Variants in DRAM1 observed in about 807,000 individuals in gnomAD.
The protein encoded by DRAM1 is DNA damage-regulated autophagy modulator protein 1.
In DRAM1, 25 loss-of-function variants were observed where a neutral mutation model predicts 28.5. That is an observed-to-expected ratio of 0.88 (90% CI 0.64 to 1.23). The LOEUF is 1.23. Ranked by LOEUF, DRAM1 falls within the 50% of genes most tolerant of loss-of-function variation. DRAM1 has a pLI of 0.00. For synonymous variants in DRAM1, 113 were observed against 114.2 expected (o/e 0.99, Z 0.07); for missense variants, 249 against 299.2 (o/e 0.83, Z 1.24).
chr12:101,885,550 CA>C (rs1872856065), intron 1 of DRAM1, among the ~76,000 whole-genome samples: 1 of 99,990 alleles, frequency 1.0e-5, no homozygotes, highest in Non-Finnish European at 1.9e-5. Context: ...TTTTTTTTGA[CA>C]GAGTTTTGCT....
intron 1 of DRAM1, among the ~76,000 whole-genome samples, chr12:101,884,805 T>C (rs1295344374): frequency 6.6e-6 from 1 of 152,220 alleles, no homozygotes; most frequent in African/African-American, 2.4e-5. Context: ...GTCAGGTCTT[T>C]AACTTCAAAA....
At chr12:101,897,675 A>G (rs892881156) in intron 1 of DRAM1, among the ~76,000 whole-genome samples, 188 bp from the exon 2 acceptor site, 6 of 152,204 alleles carry the variant, frequency 3.9e-5, no homozygotes, top group Non-Finnish European at 5.9e-5. Context: ...TCATGGTATA[A>G]AAATAAATTT....
Position 101,921,275 on chromosome 12 carries a change from A to G in DRAM1, c.*15A>G, listed in dbSNP as rs201524018. 7 of 1,602,440 alleles carry G rather than the reference A, an allele frequency of 4.4e-6. No homozygotes were observed. The highest frequency in any genetic ancestry group is 6.0e-6 in the Non-Finnish European group (7 of 1,169,382). On this transcript the variant is annotated 3_prime_UTR_variant, in exon 7 of 7. Transcript: ENST00000258534. ...GTGATATTTGAAGAAAGAAGAATTC[A>G]GTCTCACTCAGTGAATGTCGCAGGC...
chr12:101,901,861 T>C, intron 3 of DRAM1, among the ~76,000 whole-genome samples: 1 of 127,254 alleles, frequency 7.9e-6, no homozygotes, highest in African/African-American at 3.4e-5. Flanking sequence ...AGAGCGAGAC[T>C]CTATCTCAAA....
At chr12:101,907,199 CAAAAAAAA>C (rs397965756) in intron 3 of DRAM1, among the ~76,000 whole-genome samples, 2 of 85,148 alleles carry the variant, frequency 2.3e-5, no homozygotes, top group East Asian at 3.2e-4. Flanking sequence ...GACCCTGTCT[CAAAAAAAA>C]AAAAAAAAAA....
At chr12:101,915,363 G>C (rs1354246656) in intron 5 of DRAM1, among the ~76,000 whole-genome samples, 1 of 152,154 alleles carries the variant, frequency 6.6e-6, no homozygotes, top group African/African-American at 2.4e-5. Context: ...GTTTGGTGGT[G>C]AAAGGGAGCG....
intron 1 of DRAM1, among the ~76,000 whole-genome samples, chr12:101,890,380 C>A (rs371382552): frequency 0.029 from 1,898 of 66,490 alleles, 40 homozygotes; most frequent in African/African-American, 0.17. Flanking sequence ...GAGCCCGGCC[C>A]TATTTTTTTT....
intron 1 of DRAM1, among the ~76,000 whole-genome samples, chr12:101,887,845 T>A (rs1872945141): frequency 6.6e-6 from 1 of 152,052 alleles, no homozygotes; most frequent in Non-Finnish European, 1.5e-5. Context: ...GGCCCTAATT[T>A]TTGATGACTT....
intron 5 of DRAM1, among the ~76,000 whole-genome samples, chr12:101,914,786 TAGCTGGGACCAC>T (rs1177587519): frequency 6.6e-6 from 1 of 151,886 alleles, no homozygotes; most frequent in African/African-American, 2.4e-5. Flanking sequence ...GCCTCCCGAG[TAGCTGGGACCAC>T]AGGCGTGCGC....
intron 1 of DRAM1, among the ~76,000 whole-genome samples, chr12:101,887,741 G>T (rs148201414): frequency 3.3e-5 from 5 of 152,124 alleles, no homozygotes; most frequent in African/African-American, 9.6e-5. Flanking sequence ...GTTTCACCAT[G>T]TTGGCCAGGC....
rs574722379 is a variant in DRAM1 at position 101,895,186 on chromosome 12, GTTTTTTTTTTT to G, written c.132-2657_132-2647del. On this transcript the variant is annotated intron_variant, in intron 1 of 6. Transcript: ENST00000258534. The stretch of plus-strand genomic sequence containing the variant: ...TAATGCTAAATTCGAAACCCTTCAG[GTTTTTTTTTTT>G]TTTTTTTTTTTTTTTTTTTACCCAG... Among the ~76,000 whole-genome samples, 103 of 75,734 alleles carry G rather than the reference GTTTTTTTTTTT, an allele frequency of 1.4e-3. 3 individuals are homozygous for G. Among genetic ancestry groups the G allele is most frequent in the African/African-American group, 4.6e-3 (84 of 18,080 alleles). 49.7% of individuals were successfully genotyped at this position (75,734 alleles called of 152,430 possible). A position where few individuals can be genotyped will look rare whatever the true frequency, so the allele number is the denominator to read the frequency against.
intron 1 of DRAM1, among the ~76,000 whole-genome samples, chr12:101,883,943 A>T (rs1454743472): frequency 7.0e-6 from 1 of 142,228 alleles, no homozygotes; most frequent in Non-Finnish European, 1.5e-5. Flanking sequence ...CAAAAAAAAA[A>T]AAAATAAATA....
At chr12:101,897,713 A>G (rs900122603) in intron 1 of DRAM1, 150 bp from the exon 2 acceptor site, 2 of 622,562 alleles carry the variant, frequency 3.2e-6, no homozygotes, top group Admixed American at 3.2e-5. Context: ...AAATGAAAAT[A>G]CTTTAGAACA....
intron 5 of DRAM1, among the ~76,000 whole-genome samples, chr12:101,916,771 TG>T (rs1481506517): frequency 6.6e-6 from 1 of 152,228 alleles, no homozygotes; most frequent in Non-Finnish European, 1.5e-5. Flanking sequence ...ACCTCATTGA[TG>T]AGTCCCTACC....
intron 1 of DRAM1, among the ~76,000 whole-genome samples, chr12:101,887,395 A>G (rs974679094): frequency 4.6e-5 from 7 of 152,212 alleles, no homozygotes; most frequent in Non-Finnish European, 1.0e-4. Context: ...TGCCAAGAAG[A>G]CATAGTGGAC....
intron 1 of DRAM1, among the ~76,000 whole-genome samples, chr12:101,892,937 C>G (rs983944764): frequency 6.6e-6 from 1 of 152,056 alleles, no homozygotes; most frequent in African/African-American, 2.4e-5. Flanking sequence ...AATCAAACAA[C>G]TGGTTATGAA....
intron 3 of DRAM1, among the ~76,000 whole-genome samples, chr12:101,902,261 G>A (rs74241004): frequency 0.066 from 10,048 of 152,146 alleles, 799 homozygotes; most frequent in African/African-American, 0.19. Flanking sequence ...TAAAAGCCTT[G>A]TAAGATAGGC....
chr12:101,900,669 C>T (rs1478308052), intron 2 of DRAM1, among the ~76,000 whole-genome samples: 1 of 152,154 alleles, frequency 6.6e-6, no homozygotes, highest in African/African-American at 2.4e-5. Flanking sequence ...ATTAAAAAGG[C>T]AAGGGCATAC....
In DRAM1 at chr12:101,920,325, G is replaced by C. The variant is rs192745762; in HGVS notation, c.672+124G>C. On this transcript the variant is annotated intron_variant, in intron 6 of 6. Transcript: ENST00000258534. ...TTTTTTTTTTTTTTTTTGAGACGGAGTCTCGCTCTGTCGCCCAGGCCGGAC... is the reference window on the plus strand; with the variant it reads ...TTTTTTTTTTTTTTTTTGAGACGGACTCTCGCTCTGTCGCCCAGGCCGGAC... 2.9e-3 allele frequency: 822 copies of C among 283,648 alleles called. 11 individuals are homozygous for C. Among genetic ancestry groups the C allele is most frequent in the Admixed American group, 4.0e-3 (47 of 11,786 alleles). The allele number at this position is 283,648 out of a possible 1,614,324, so 17.6% of individuals were successfully genotyped here. A position where few individuals can be genotyped will look rare whatever the true frequency, so the allele number is the denominator to read the frequency against.
Sources: gnomAD v4.1 joint callset for allele counts (sites outside exome capture counted in the v4.1 genomes callset) on GRCh38, gnomAD v4.1.1 for gene constraint, MANE v1.5 for transcripts, NCBI Gene and HGNC (gene_info 2026-07-23, HGNC 2026-07-21) for gene names.